The following KCNK12 variants were observed in gnomAD, a reference collection of about 807,000 sequenced individuals.
KCNK12 encodes the protein potassium two pore domain channel subfamily K member 12.
Under a neutral mutation model 25.3 loss-of-function variants are expected in KCNK12, and 6 were observed. That is an observed-to-expected ratio of 0.24 (90% CI 0.13 to 0.47). KCNK12 has a LOEUF of 0.47. Ranked by LOEUF, KCNK12 falls within the 20% of genes least tolerant of loss-of-function variation. The pLI is 0.99. For synonymous variants in KCNK12, 331 were observed against 311.1 expected (o/e 1.06, Z -0.67); for missense variants, 444 against 661.7 (o/e 0.67, Z 3.61).
intron 1 of KCNK12, among the ~76,000 whole-genome samples, chr2:47,552,768 C>CAAAAAAAAGA (rs371599102): frequency 0.018 from 2,690 of 149,316 alleles, 85 homozygotes; most frequent in African/African-American, 0.063. Context: ...ACTCTGGCTC[C>CAAAAAAAAGA]AAAAAAAAGA....
Position 47,519,984 on chromosome 2 carries a change from TAAG to T in KCNK12, c.*920_*922del, listed in dbSNP as rs1156963030. ...AAAAGTTGAACTGATCAACAGTAGT[TAAG>T]AAAAAAAAAATCCACACCAACAAAT... On this transcript the variant is annotated 3_prime_UTR_variant, in exon 2 of 2. Coordinates refer to ENST00000327876, the MANE Select transcript of KCNK12 (RefSeq NM_022055.2). The T allele has an allele frequency of 6.6e-6, 1 of 151,480 alleles. No individual in the cohort carries two copies. The highest frequency in any genetic ancestry group is 1.5e-5 in the Non-Finnish European group (1 of 67,848). 9.4% of individuals were successfully genotyped at this position (151,480 alleles called of 1,614,324 possible).
intron 1 of KCNK12, among the ~76,000 whole-genome samples, chr2:47,541,901 G>A (rs1295990787): frequency 2.6e-5 from 4 of 152,152 alleles, no homozygotes; most frequent in African/African-American, 7.2e-5. Flanking sequence ...TATGGCAGCC[G>A]GAAGGAGACT....
In KCNK12 at chr2:47,550,487, A is replaced by G. The variant is rs542452822; in HGVS notation, c.391+19454T>C. 1.4e-4 allele frequency among the ~76,000 whole-genome samples: 20 copies of G among 141,594 alleles called. No individual in the cohort carries two copies. The East Asian group carries it at 4.0e-3, about 28-fold the overall frequency. 92.9% of individuals were successfully genotyped at this position (141,594 alleles called of 152,430 possible). A position where few individuals can be genotyped will look rare whatever the true frequency, so the allele number is the denominator to read the frequency against. On this transcript the variant is annotated intron_variant, in intron 1 of 1. Transcript: ENST00000327876. ...AACCTCTGCCTCCCGGGTTCAAGTG[A>G]TTCTCCTGCCTCAGCCTCCCGAGTA...
In KCNK12 at chr2:47,547,475, A is replaced by G. The variant is rs750445282; in HGVS notation, c.391+22466T>C. ...TCTTTTTGCGTCTGGGTCTGGCTCT[A>G]TTGCCCAGGCTGGAGTGCAATGGCA... On this transcript the variant is annotated intron_variant, in intron 1 of 1. Coordinates refer to ENST00000327876, the MANE Select transcript of KCNK12 (RefSeq NM_022055.2). The surrounding 1 kb of genome is among the most constrained non-coding windows in gnomAD (Gnocchi z 5.0). Among the ~76,000 whole-genome samples the G allele has an allele frequency of 7.9e-5, 12 of 152,076 alleles. No homozygotes were observed. Among genetic ancestry groups the G allele is most frequent in the African/African-American group, 9.7e-5 (4 of 41,392 alleles).
intron 1 of KCNK12, among the ~76,000 whole-genome samples, chr2:47,524,502 G>A (rs1023186749): frequency 1.3e-5 from 2 of 152,132 alleles, no homozygotes; most frequent in Non-Finnish European, 2.9e-5. Flanking sequence ...TCAAAATCAG[G>A]CCAAACTACA....
intron 1 of KCNK12, among the ~76,000 whole-genome samples, chr2:47,550,557 A>G (rs1669407424): frequency 6.6e-6 from 1 of 151,534 alleles, no homozygotes; most frequent in South Asian, 2.1e-4. Context: ...TAATTTTTGT[A>G]CTTTTAGTAG....
At position 47,514,345 on chromosome 2, in the gene KCNK12, C is replaced by T. The variant is rs185083319; in HGVS notation, c.*6562G>A. Among the ~76,000 whole-genome samples, 209 of 152,342 alleles carry T rather than the reference C, an allele frequency of 1.4e-3. No individual in the cohort carries two copies. Among genetic ancestry groups the T allele is most frequent in the Non-Finnish European group, 5.6e-4 (38 of 68,030 alleles). On this transcript the variant is annotated 3_prime_UTR_variant, in exon 2 of 2. Coordinates refer to ENST00000327876, the MANE Select transcript of KCNK12 (RefSeq NM_022055.2). The surrounding 1 kb of genome is among the most constrained non-coding windows in gnomAD (Gnocchi z 5.0). ...AGGCCGTACTGCAGCGCCCTGCCCC[C>T]GTCAGCCTCCAGGAGCCTGGAGTCC...
intron 1 of KCNK12, among the ~76,000 whole-genome samples, chr2:47,541,381 T>C (rs1669194975): frequency 6.6e-6 from 1 of 152,208 alleles, no homozygotes; most frequent in African/African-American, 2.4e-5. Context: ...AATAGCAATT[T>C]CTGAAAATCA....
rs1669363399 is a variant in KCNK12, at chr2:47,548,678, G to A, written c.391+21263C>T. ...TCCCACCATAATCAACCAGGAAACC[G>A]GAAAAAGTCTATGAGATAATTATTT... On this transcript the variant is annotated intron_variant, in intron 1 of 1. Coordinates refer to ENST00000327876, the MANE Select transcript of KCNK12 (RefSeq NM_022055.2). This position sits in a 1 kb window ranked among gnomAD's most constrained non-coding sequence, Gnocchi z 4.4. Among the ~76,000 whole-genome samples, 1 of 152,120 alleles carries A rather than the reference G, an allele frequency of 6.6e-6. No homozygotes were observed. The highest frequency in any genetic ancestry group is 2.1e-4 in the South Asian group (1 of 4,822).
rs547686696 is a variant in KCNK12, at chr2:47,510,323, G to A, written c.*10584C>T. 2 of 152,232 alleles carry A rather than the reference G, an allele frequency of 1.3e-5. No homozygotes were observed. Among genetic ancestry groups the A allele is most frequent in the South Asian group, 4.2e-4 (2 of 4,816 alleles). 9.4% of individuals were successfully genotyped at this position (152,232 alleles called of 1,614,324 possible). On this transcript the variant is annotated 3_prime_UTR_variant, in exon 2 of 2. Transcript: ENST00000327876. ...CCACCTGCTCCAGAGTTCTGGTTAT[G>A]GTAATGAAATAAACCTTGATTTTTA...
intron 1 of KCNK12, among the ~76,000 whole-genome samples, chr2:47,554,631 G>A (rs1323761634): frequency 3.9e-5 from 6 of 152,208 alleles, no homozygotes; most frequent in Admixed American, 3.9e-4. Flanking sequence ...AGGGCCTTGA[G>A]TGTCATGGTG....
rs1027000739 is a variant in KCNK12, at chr2:47,556,996, G to C, written c.391+12945C>G. Among the ~76,000 whole-genome samples the C allele has an allele frequency of 2.6e-5, 4 of 152,190 alleles. No homozygotes were observed. The highest frequency in any genetic ancestry group is 4.4e-5 in the Non-Finnish European group (3 of 68,032). ...TATGGTTATAGATGAGATGGTTAAGGAGCCCAGTTCTTGGATGCATCATCT... is the reference window on the plus strand; with the variant it reads ...TATGGTTATAGATGAGATGGTTAAGCAGCCCAGTTCTTGGATGCATCATCT... On this transcript the variant is annotated intron_variant, in intron 1 of 1. Coordinates refer to ENST00000327876, the MANE Select transcript of KCNK12 (RefSeq NM_022055.2). The surrounding 1 kb of genome is among the most constrained non-coding windows in gnomAD (Gnocchi z 4.8).
rs1553383254 is a variant in KCNK12 at position 47,569,300 on chromosome 2, T to TGGGGGAGAACACAAGGAAGG, written c.391+621_391+640dup. Among the ~76,000 whole-genome samples the TGGGGGAGAACACAAGGAAGG allele has an allele frequency of 5.9e-5, 9 of 151,534 alleles. No individual in the cohort carries two copies. Among genetic ancestry groups the TGGGGGAGAACACAAGGAAGG allele is most frequent in the Non-Finnish European group, 8.8e-5 (6 of 67,846 alleles). Reference sequence around the variant, plus strand: ...AGAAATTGGAGAAGGGGCTGGGAGCTGGGGGAGAACACAAGGAAGGGAGGC... The same window carrying TGGGGGAGAACACAAGGAAGG: ...AGAAATTGGAGAAGGGGCTGGGAGCTGGGGGAGAACACAAGGAAGGGGGGGAGAACACAAGGAAGGGAGGC... On this transcript the variant is annotated intron_variant, in intron 1 of 1. Coordinates refer to ENST00000327876, the MANE Select transcript of KCNK12 (RefSeq NM_022055.2). This position sits in a 1 kb window ranked among gnomAD's most constrained non-coding sequence, Gnocchi z 4.1.
intron 1 of KCNK12, chr2:47,563,814 C>G (rs1669734238): frequency 4.3e-6 from 1 of 232,684 alleles, no homozygotes; most frequent in Admixed American, 5.6e-5. Context: ...TAGGAGTGTA[C>G]CTTTGCTCCA....
At chr2:47,562,000 A>C (rs902186079) in intron 1 of KCNK12, 3 of 398,354 alleles carry the variant, frequency 7.5e-6, no homozygotes, top group Admixed American at 4.4e-5. Flanking sequence ...GAATGGTGAT[A>C]TGTCCTGCCT....
At chr2:47,530,746 G>T (rs1313191946) in intron 1 of KCNK12, among the ~76,000 whole-genome samples, 1 of 152,108 alleles carries the variant, frequency 6.6e-6, no homozygotes, top group East Asian at 1.9e-4. Flanking sequence ...AATTCCTAAT[G>T]GTACGTACCA....
chr2:47,561,772 T>A (rs1042080808), intron 1 of KCNK12, among the ~76,000 whole-genome samples: 2 of 152,132 alleles, frequency 1.3e-5, no homozygotes, highest in Non-Finnish European at 2.9e-5. Context: ...GTATATCCAC[T>A]CACCAGAACC....
At chr2:47,524,314 A>G (rs1668723216) in intron 1 of KCNK12, among the ~76,000 whole-genome samples, 1 of 152,240 alleles carries the variant, frequency 6.6e-6, no homozygotes, top group African/African-American at 2.4e-5. Context: ...CAGTAACCTA[A>G]ATGTCTAACA....
intron 1 of KCNK12, chr2:47,527,942 C>T: frequency 6.6e-6 from 1 of 152,414 alleles, no homozygotes; most frequent in Non-Finnish European, 1.5e-5. Context: ...CTCTAGGCTG[C>T]CTTCCTAGAG....
Sources: allele counts gnomAD v4.1 joint callset (sites outside exome capture counted in the v4.1 genomes callset), GRCh38; gene constraint gnomAD v4.1.1; non-coding constraint Gnocchi (gnomAD v3.1); transcripts MANE v1.5; gene names NCBI Gene and HGNC (gene_info 2026-07-23, HGNC 2026-07-21).